The following LSAMP variants were observed in gnomAD, a reference collection of about 807,000 sequenced individuals.
LSAMP encodes limbic system associated membrane protein, also known as limbic system-associated membrane protein.
In LSAMP, 7 loss-of-function variants were observed where a neutral mutation model predicts 38.6. The observed-to-expected ratio is 0.18, with a 90% CI of 0.10 to 0.34. The LOEUF (loss-of-function observed/expected upper bound fraction) is 0.34, where lower values mean the gene tolerates loss of function less well. LSAMP is among the 10% of genes least tolerant of loss of function. The pLI, the probability that LSAMP is intolerant of heterozygous loss-of-function variation, is 1.00. For synonymous variants in LSAMP, 154 were observed against 166.8 expected (o/e 0.92, Z 0.59); for missense variants, 313 against 420.0 (o/e 0.75, Z 2.23).
At chr3:115,851,121 C>T (rs954104449) in intron 4 of LSAMP, among the ~76,000 whole-genome samples, 5 of 152,026 alleles carry the variant, frequency 3.3e-5, no homozygotes, top group African/African-American at 1.2e-4. Flanking sequence ...CTACAGGCAC[C>T]CGCCACCACA....
At chr3:116,288,166 G>C (rs117021070) in intron 1 of LSAMP, among the ~76,000 whole-genome samples, 1,618 of 152,266 alleles carry the variant, frequency 0.011, 24 homozygotes, top group African/African-American at 0.034. Flanking sequence ...ATAGGGAAAA[G>C]AGTAAGAAAA....
At chr3:116,349,698 A>G (rs1484030356) in intron 1 of LSAMP, among the ~76,000 whole-genome samples, 2 of 152,026 alleles carry the variant, frequency 1.3e-5, no homozygotes, top group African/African-American at 4.8e-5. Context: ...TAAAATATAT[A>G]TTATATCTGG....
At chr3:115,984,210 T>A (rs1476257323) in intron 3 of LSAMP, among the ~76,000 whole-genome samples, 1 of 151,578 alleles carries the variant, frequency 6.6e-6, no homozygotes, top group African/African-American at 2.4e-5. Context: ...TGAATGGGGG[T>A]GCTATTCACA....
At chr3:116,268,847 T>C (rs1169830006) in intron 1 of LSAMP, among the ~76,000 whole-genome samples, 1 of 152,052 alleles carries the variant, frequency 6.6e-6, no homozygotes, top group Non-Finnish European at 1.5e-5. Context: ...GGGATTTTCA[T>C]GGAGAATAGA....
intron 1 of LSAMP, among the ~76,000 whole-genome samples, chr3:116,392,189 C>A (rs1308465629): frequency 1.3e-5 from 2 of 152,186 alleles, no homozygotes; most frequent in Non-Finnish European, 2.9e-5. Context: ...TGGGGACAAG[C>A]GGGAGCCCTG....
intron 1 of LSAMP, among the ~76,000 whole-genome samples, chr3:116,263,769 A>G (rs2046860658): frequency 6.6e-6 from 1 of 152,306 alleles, no homozygotes; most frequent in African/African-American, 2.4e-5. Context: ...ATATCCACTA[A>G]TATCACTTGT....
At chr3:115,845,075 A>G (rs1461615820) in intron 4 of LSAMP, among the ~76,000 whole-genome samples, 1 of 152,228 alleles carries the variant, frequency 6.6e-6, no homozygotes, top group Non-Finnish European at 1.5e-5. Flanking sequence ...GGATTTCATA[A>G]GGGTGAGGAA....
chr3:116,292,051 C>A (rs1230003807), intron 1 of LSAMP, among the ~76,000 whole-genome samples: 2 of 152,142 alleles, frequency 1.3e-5, no homozygotes, highest in African/African-American at 4.8e-5. Flanking sequence ...AAAAGATGTA[C>A]AAGAAACAGT....
At chr3:115,816,620 G>A in intron 6 of LSAMP, 2 of 1,285,128 alleles carry the variant, frequency 1.6e-6, no homozygotes, top group Non-Finnish European at 2.0e-6. Context: ...ATACCTTTTT[G>A]CTTGAAGTGC....
intron 1 of LSAMP, among the ~76,000 whole-genome samples, chr3:116,285,439 A>C (rs1209424030): frequency 6.6e-6 from 1 of 151,708 alleles, no homozygotes; most frequent in African/African-American, 2.4e-5. Context: ...CGTAAATGTC[A>C]TTTCTTCTCC....
At chr3:115,992,850 G>GT (rs1002216136) in intron 3 of LSAMP, among the ~76,000 whole-genome samples, 7 of 152,020 alleles carry the variant, frequency 4.6e-5, no homozygotes, top group Non-Finnish European at 1.0e-4. Context: ...ATGCTGTCAG[G>GT]GTAACAGTGG....
At position 115,928,318 on chromosome 3, in the gene LSAMP, A is replaced by G. The variant is rs554487742; in HGVS notation, c.515-75701T>C. Among the ~76,000 whole-genome samples, 124 of 152,296 alleles carry G rather than the reference A, an allele frequency of 8.1e-4. 1 individual carries two copies. The highest frequency in any genetic ancestry group is 2.7e-3 in the African/African-American group (114 of 41,554). ...AATTTATTCAAAAGGCTCTTATTTA[A>G]AACCACTGTTCATAGAACATCTCAC... is the stretch of plus-strand genomic sequence containing the variant. On this transcript the variant is annotated intron_variant, in intron 3 of 6. Coordinates refer to ENST00000490035, the MANE Select transcript of LSAMP (RefSeq NM_002338.5).
chr3:115,863,745 A>G (rs909854232), intron 3 of LSAMP, among the ~76,000 whole-genome samples: 29 of 151,988 alleles, frequency 1.9e-4, no homozygotes, highest in African/African-American at 6.5e-4. Flanking sequence ...TATTACCTTT[A>G]TAATGCAATA....
intron 1 of LSAMP, among the ~76,000 whole-genome samples, chr3:116,401,218 T>A (rs1274161187): frequency 5.3e-5 from 8 of 152,188 alleles, no homozygotes; most frequent in African/African-American, 1.9e-4. Context: ...AAAGAGAAAC[T>A]TGTTGCCCAG....
intron 1 of LSAMP, among the ~76,000 whole-genome samples, chr3:116,401,580 C>A (rs1044085383): frequency 6.6e-6 from 1 of 152,246 alleles, no homozygotes; most frequent in Non-Finnish European, 1.5e-5. Flanking sequence ...CTGCTCCTGG[C>A]TGTCCGTTGC....
intron 3 of LSAMP, among the ~76,000 whole-genome samples, chr3:115,898,245 CAG>C (rs778813676): frequency 3.4e-4 from 51 of 152,186 alleles, no homozygotes; most frequent in Non-Finnish European, 5.6e-4. Flanking sequence ...AAAAAATTAA[CAG>C]ATATTTTTCA....
At chr3:116,191,115 C>T (rs778891569) in intron 1 of LSAMP, among the ~76,000 whole-genome samples, 21 of 152,006 alleles carry the variant, frequency 1.4e-4, no homozygotes, top group Non-Finnish European at 2.4e-4. Context: ...CCCAGCTACT[C>T]GGGAGGCTGA....
intron 1 of LSAMP, among the ~76,000 whole-genome samples, chr3:116,384,981 C>T (rs551549060): frequency 1.3e-5 from 2 of 151,920 alleles, no homozygotes; most frequent in African/African-American, 4.8e-5. Flanking sequence ...GGGCACTAAG[C>T]AGTCACTGAG....
intron 2 of LSAMP, among the ~76,000 whole-genome samples, chr3:116,079,259 G>A (rs1328124893): frequency 3.9e-5 from 6 of 152,142 alleles, no homozygotes; most frequent in East Asian, 1.9e-4. Context: ...CTGGCCCTTC[G>A]GAGATGCCTC....
Sources: allele counts gnomAD v4.1 joint callset (sites outside exome capture counted in the v4.1 genomes callset), GRCh38; gene constraint gnomAD v4.1.1; transcripts MANE v1.5; gene names NCBI Gene and HGNC (gene_info 2026-07-23, HGNC 2026-07-21).